Variants in MIER2 observed in about 807,000 individuals in gnomAD.
MIER2 encodes mesoderm induction early response protein 2.
Under a neutral mutation model 67.6 loss-of-function variants are expected in MIER2, and 30 were observed. That is an observed-to-expected ratio of 0.44 (90% CI 0.33 to 0.60). The LOEUF is 0.60. MIER2 is among the 20% of genes least tolerant of loss of function. The pLI is 0.02. For synonymous variants in MIER2, 372 were observed against 312.6 expected (o/e 1.19, Z -2.00); for missense variants, 702 against 745.1 (o/e 0.94, Z 0.67).
rs1228848942 is a variant in MIER2, at chr19:334,384, C to A, written c.243+16G>T. On this transcript the variant is annotated intron_variant, in intron 3 of 13. Coordinates refer to ENST00000264819, the MANE Select transcript of MIER2 (RefSeq NM_017550.3). ...GCTCCACCCAACACAGGGGCAGGATCACCTTGGCCAAGTACCTGGGAGATG... is the reference window on the plus strand; with the variant it reads ...GCTCCACCCAACACAGGGGCAGGATAACCTTGGCCAAGTACCTGGGAGATG... 5 of 1,613,788 alleles carry A rather than the reference C, an allele frequency of 3.1e-6. No homozygotes were observed. The highest frequency in any genetic ancestry group is 4.2e-6 in the Non-Finnish European group (5 of 1,179,806).
At chr19:319,261 C>G (rs1189555418) in intron 7 of MIER2, among the ~76,000 whole-genome samples, 3 of 151,872 alleles carry the variant, frequency 2.0e-5, no homozygotes, top group Non-Finnish European at 4.4e-5. Context: ...ACTCAGGAGG[C>G]TGCGGCAGGA....
chr19:336,741 T>C (rs1972275048), intron 1 of MIER2, among the ~76,000 whole-genome samples: 1 of 152,144 alleles, frequency 6.6e-6, no homozygotes, highest in Non-Finnish European at 1.5e-5. Context: ...ATCAATGAAT[T>C]ATAAACTTTA....
At chr19:332,068 T>A (rs761463578) in intron 3 of MIER2, among the ~76,000 whole-genome samples, 1 of 152,226 alleles carries the variant, frequency 6.6e-6, no homozygotes, top group Non-Finnish European at 1.5e-5. Context: ...TCTTCTAATT[T>A]TTTTTCTTTT....
At chr19:309,963 C>T (rs1600110444) in intron 10 of MIER2, among the ~76,000 whole-genome samples, 2 of 136,072 alleles carry the variant, frequency 1.5e-5, no homozygotes, top group South Asian at 2.4e-4. Flanking sequence ...GACACACACA[C>T]GCACACAAGG....
intron 1 of MIER2, among the ~76,000 whole-genome samples, chr19:339,266 G>A (rs924425998): frequency 2.6e-5 from 4 of 152,118 alleles, no homozygotes; most frequent in African/African-American, 9.7e-5. Context: ...ATAAGGAAGA[G>A]AGAATCCCAT....
At chr19:341,771 A>C (rs1486436764) in intron 1 of MIER2, among the ~76,000 whole-genome samples, 1 of 152,146 alleles carries the variant, frequency 6.6e-6, no homozygotes, top group Admixed American at 6.5e-5. Flanking sequence ...AAAAAAAGCA[A>C]AGGAAGCGTA....
intron 10 of MIER2, among the ~76,000 whole-genome samples, chr19:310,754 A>ATAGAAACACGGCCGGGAGCTG (rs1970960462): frequency 8.1e-6 from 1 of 124,202 alleles, no homozygotes; most frequent in Non-Finnish European, 1.7e-5. Context: ...GCCCGGAGCT[A>ATAGAAACACGGCCGGGAGCTG]CAGAAACACG....
intron 1 of MIER2, among the ~76,000 whole-genome samples, chr19:342,984 AACCC>A (rs2145580575): frequency 6.6e-6 from 1 of 152,236 alleles, no homozygotes; most frequent in South Asian, 2.1e-4. Context: ...TGTTGGTCCT[AACCC>A]ACCCACGTCT....
rs1971104784 is a variant in MIER2 at position 313,473 on chromosome 19, C to A, written c.807+19G>T. 2 of 1,606,852 alleles carry A rather than the reference C, an allele frequency of 1.2e-6. No homozygotes were observed. Among genetic ancestry groups the A allele is most frequent in the African/African-American group, 2.7e-5 (2 of 75,036 alleles). Reference sequence around the variant, plus strand: ...ACGGCAGCCCTCAGCCCCTCTGTCCCCGGCATGGCAGCCCCCACCTGCTCA... The same window carrying A: ...ACGGCAGCCCTCAGCCCCTCTGTCCACGGCATGGCAGCCCCCACCTGCTCA... On this transcript the variant is annotated intron_variant, in intron 8 of 13. Transcript: ENST00000264819.
At chr19:339,566 T>C (rs1972412226) in intron 1 of MIER2, among the ~76,000 whole-genome samples, 1 of 152,190 alleles carries the variant, frequency 6.6e-6, no homozygotes, top group African/African-American at 2.4e-5. Flanking sequence ...TTAAATAGTA[T>C]TTAACCATGT....
intron 2 of MIER2, 89 bp from the exon 3 acceptor site, chr19:334,631 A>C (rs1972161433): frequency 6.6e-7 from 1 of 1,519,436 alleles, no homozygotes; most frequent in Non-Finnish European, 8.8e-7. Context: ...TGAAGCCCTA[A>C]GGATGAGGCC....
intron 10 of MIER2, 77 bp from the exon 11 acceptor site, chr19:309,002 C>G: frequency 6.5e-7 from 1 of 1,547,302 alleles, no homozygotes; most frequent in Non-Finnish European, 8.8e-7. Flanking sequence ...CCAGGACGTC[C>G]TGGGACCCCG....
intron 8 of MIER2, 146 bp downstream of exon 8, chr19:313,346 G>GTAGC (rs1742808304): frequency 7.6e-7 from 1 of 1,311,806 alleles, no homozygotes; most frequent in African/African-American, 1.5e-5. Context: ...TCTGACCTGA[G>GTAGC]TAGCTGTTCC....
chr19:338,445 G>A (rs1054605753), intron 1 of MIER2, among the ~76,000 whole-genome samples: 1 of 152,090 alleles, frequency 6.6e-6, no homozygotes, highest in East Asian at 1.9e-4. Flanking sequence ...AAGATCCAAG[G>A]GAATGTAAAG....
chr19:306,595 G>C lies in MIER2; in HGVS notation c.*95C>G, dbSNP rs1294198029. 3 of 1,492,778 alleles carry C rather than the reference G, an allele frequency of 2.0e-6. No individual in the cohort carries two copies. The highest frequency in any genetic ancestry group is 2.7e-6 in the Non-Finnish European group (3 of 1,096,236). The allele number at this position is 1,492,778 out of a possible 1,614,324, so 92.5% of individuals were successfully genotyped here. ...AGAAGGAGGTGCTACCCCAAGGCCC[G>C]GGGGGTGGGGAAGGGGTCAGGAAGA... On this transcript the variant is annotated 3_prime_UTR_variant, in exon 14 of 14. Coordinates refer to ENST00000264819, the MANE Select transcript of MIER2 (RefSeq NM_017550.3).
chr19:306,495 G>T lies in MIER2; in HGVS notation c.*195C>A. 2.7e-6 allele frequency: 2 copies of T among 734,206 alleles called. No homozygotes were observed. The highest frequency in any genetic ancestry group is 4.4e-6 in the Non-Finnish European group (2 of 453,560). 45.5% of individuals were successfully genotyped at this position (734,206 alleles called of 1,614,324 possible). On this transcript the variant is annotated 3_prime_UTR_variant, in exon 14 of 14. Transcript: ENST00000264819. Reference sequence around the variant, plus strand: ...CGCTGACGGCGCTGGGTGGGGCCGTGGGTCCATTCTGTGTGGACAGGGGCA... The same window carrying T: ...CGCTGACGGCGCTGGGTGGGGCCGTTGGTCCATTCTGTGTGGACAGGGGCA...
intron 1 of MIER2, among the ~76,000 whole-genome samples, chr19:337,860 C>T (rs560080184): frequency 1.1e-5 from 1 of 90,666 alleles, no homozygotes; most frequent in East Asian, 2.9e-4. Context: ...CAGAGCAAGA[C>T]TCCATCTCAC....
At chr19:309,723 G>T (rs1333752190) in intron 10 of MIER2, among the ~76,000 whole-genome samples, 1 of 102,472 alleles carries the variant, frequency 9.8e-6, no homozygotes, top group Non-Finnish European at 1.8e-5. Context: ...CGCACACAAG[G>T]CTTCAGGGAC....
intron 10 of MIER2, 66 bp downstream of exon 10, chr19:311,779 C>T: frequency 6.6e-7 from 1 of 1,510,448 alleles, no homozygotes; most frequent in Non-Finnish European, 9.2e-7. Context: ...TGCTGTGTGC[C>T]TGCGGACCCT....
Sources: allele counts gnomAD v4.1 joint callset (sites outside exome capture counted in the v4.1 genomes callset), GRCh38; gene constraint gnomAD v4.1.1; transcripts MANE v1.5; gene names NCBI Gene and HGNC (gene_info 2026-07-23, HGNC 2026-07-21).